TIAM1: variants seen among roughly 807,000 people sequenced by gnomAD.
TIAM1 encodes the protein rho guanine nucleotide exchange factor TIAM1.
Under a neutral mutation model 163.5 loss-of-function variants are expected in TIAM1, and 65 were observed. The ratio of observed to expected loss-of-function variants is 0.40; its 90% CI spans 0.33 to 0.49. TIAM1 has a LOEUF of 0.49. Among genes scored for constraint, TIAM1 ranks in the 20% least tolerant of loss-of-function variants. TIAM1 has a pLI of 0.77. For synonymous variants in TIAM1, 833 were observed against 810.1 expected (o/e 1.03, Z -0.48); for missense variants, 1,789 against 2,044.7 (o/e 0.87, Z 2.41).
intron 4 of TIAM1, among the ~76,000 whole-genome samples, chr21:31,259,260 T>TACGAA (rs2072307172): frequency 6.6e-6 from 1 of 151,392 alleles, no homozygotes; most frequent in Non-Finnish European, 1.5e-5. Context: ...CTCAGCCCAC[T>TACGAA]ACGAAACTGA....
intron 4 of TIAM1, among the ~76,000 whole-genome samples, chr21:31,263,089 G>A (rs2072567850): frequency 6.6e-6 from 1 of 152,174 alleles, no homozygotes; most frequent in Admixed American, 6.5e-5. Flanking sequence ...AATGTGGGCG[G>A]GTGGATAGTG....
intron 1 of TIAM1, among the ~76,000 whole-genome samples, chr21:31,512,695 G>A (rs1052325386): frequency 5.6e-5 from 8 of 142,776 alleles, no homozygotes; most frequent in South Asian, 2.3e-4. Flanking sequence ...TTGGCTCACC[G>A]CAACCTCCAC....
chr21:31,336,149 G>A (rs1327421661), intron 2 of TIAM1, among the ~76,000 whole-genome samples: 5 of 152,124 alleles, frequency 3.3e-5, no homozygotes, highest in South Asian at 2.1e-4. Flanking sequence ...AGACGCCACT[G>A]GGGAGCGTTC....
At chr21:31,130,364 G>A (rs955696778) in intron 24 of TIAM1, 49 bp from the exon 25 acceptor site, 21 of 1,458,240 alleles carry the variant, frequency 1.4e-5, no homozygotes, top group East Asian at 9.1e-5. Flanking sequence ...AACCTGCCCC[G>A]GACCAGTTCC....
chr21:31,539,913 T>C (rs2048265465), intron 1 of TIAM1, among the ~76,000 whole-genome samples: 1 of 151,954 alleles, frequency 6.6e-6, no homozygotes, highest in Admixed American at 6.6e-5. Flanking sequence ...AAAGGCCCAG[T>C]GCAAGCTGTG....
At chr21:31,492,315 G>A (rs2154514) in intron 1 of TIAM1, among the ~76,000 whole-genome samples, 1 of 151,876 alleles carries the variant, frequency 6.6e-6, no homozygotes, top group Non-Finnish European at 1.5e-5. Context: ...ATCTTTACCC[G>A]AAAACAGTTC....
chr21:31,341,728 C>T (rs895991452), intron 1 of TIAM1, among the ~76,000 whole-genome samples: 12 of 152,268 alleles, frequency 7.9e-5, no homozygotes, highest in African/African-American at 2.9e-4. Context: ...CATACAAAGA[C>T]AAATACATGG....
chr21:31,228,548 C>G (rs957602472), intron 6 of TIAM1, among the ~76,000 whole-genome samples: 3 of 152,100 alleles, frequency 2.0e-5, no homozygotes, highest in African/African-American at 7.2e-5. Context: ...ATCCAGGTGC[C>G]ACCAATAGGG....
At chr21:31,400,069 G>A (rs2077138948) in intron 2 of TIAM1, among the ~76,000 whole-genome samples, 1 of 150,208 alleles carries the variant, frequency 6.7e-6, no homozygotes, top group Non-Finnish European at 1.5e-5. Flanking sequence ...AGCTAAACCA[G>A]AATTTTAAAG....
At chr21:31,394,726 T>TCTCTCG (rs2077029561) in intron 2 of TIAM1, among the ~76,000 whole-genome samples, 10 of 81,660 alleles carry the variant, frequency 1.2e-4, no homozygotes, top group African/African-American at 4.8e-4. Flanking sequence ...TCTCTCTCTC[T>TCTCTCG]CTCACACACA....
intron 15 of TIAM1, among the ~76,000 whole-genome samples, chr21:31,181,941 T>C (rs937131790): frequency 4.0e-5 from 6 of 151,072 alleles, no homozygotes; most frequent in African/African-American, 1.5e-4. Context: ...CTCTCCACTA[T>C]GCCCAGCTCA....
chr21:31,291,426 T>C (rs1337619511), intron 2 of TIAM1, among the ~76,000 whole-genome samples: 1 of 152,236 alleles, frequency 6.6e-6, no homozygotes, highest in Non-Finnish European at 1.5e-5. Flanking sequence ...GGAACTCATA[T>C]GGCTATGACC....
At chr21:31,369,739 A>G (rs1407050830) in intron 2 of TIAM1, among the ~76,000 whole-genome samples, 1 of 152,190 alleles carries the variant, frequency 6.6e-6, no homozygotes, top group African/African-American at 2.4e-5. Context: ...TAAAAGAAGA[A>G]GAAGGGTTAG....
intron 2 of TIAM1, among the ~76,000 whole-genome samples, chr21:31,385,766 T>G (rs956830959): frequency 1.3e-5 from 2 of 148,938 alleles, no homozygotes; most frequent in African/African-American, 4.9e-5. Context: ...AACGTAAATC[T>G]TATGAACAAA....
intron 6 of TIAM1, among the ~76,000 whole-genome samples, chr21:31,239,516 C>G (rs753792946): frequency 1.3e-5 from 2 of 152,046 alleles, no homozygotes; most frequent in African/African-American, 4.8e-5. Context: ...CAAAGCATTA[C>G]CCATTAAGGA....
At chr21:31,328,724 C>T (rs537927757) in intron 2 of TIAM1, among the ~76,000 whole-genome samples, 3 of 152,034 alleles carry the variant, frequency 2.0e-5, no homozygotes, top group East Asian at 1.9e-4. Flanking sequence ...CCCCACCCCC[C>T]GACAGGCCCA....
intron 13 of TIAM1, among the ~76,000 whole-genome samples, chr21:31,193,025 A>T (rs560140688): frequency 6.6e-6 from 1 of 152,334 alleles, no homozygotes; most frequent in Non-Finnish European, 1.5e-5. Context: ...TGACTGATAC[A>T]GCACAGCATG....
chr21:31,252,206 G>T lies in TIAM1; in HGVS notation c.964-17C>A. Reference sequence around the variant, plus strand: ...ATTAACATCCTTGGGAGCAGAAAGAGAGAGCAAAGAAGACAAGCGTCACGT... The same window carrying T: ...ATTAACATCCTTGGGAGCAGAAAGATAGAGCAAAGAAGACAAGCGTCACGT... On this transcript the variant is annotated splice_polypyrimidine_tract_variant and intron_variant, in intron 4 of 27. Transcript: ENST00000541036. 1 of 1,594,530 alleles carries T rather than the reference G, an allele frequency of 6.3e-7. No homozygotes were observed.
Position 31,378,413 on chromosome 21 carries a change from C to T in TIAM1, c.-368-38991G>A, listed in dbSNP as rs1485223037. Among the ~76,000 whole-genome samples the T allele has an allele frequency of 3.3e-5, 5 of 152,164 alleles. No homozygotes were observed. In the East Asian group the frequency reaches 9.6e-4, roughly 29 times the overall value. On this transcript the variant is annotated intron_variant, in intron 2 of 28. Coordinates refer to the TIAM1 transcript ENST00000286827. ...ACAGGAGTCCTATCTAACATAGAAACTATTCTGGTAGAAAAAGTCAGTGTC... is the reference window on the plus strand; with the variant it reads ...ACAGGAGTCCTATCTAACATAGAAATTATTCTGGTAGAAAAAGTCAGTGTC...
Sources: gnomAD v4.1 joint callset for allele counts (sites outside exome capture counted in the v4.1 genomes callset) on GRCh38, gnomAD v4.1.1 for gene constraint, MANE v1.5 for transcripts, NCBI Gene and HGNC (gene_info 2026-07-23, HGNC 2026-07-21) for gene names.